Variants in ACOXL observed in about 807,000 individuals in gnomAD.
The protein encoded by ACOXL is acyl-CoA oxidase like.
Under a neutral mutation model 71.9 loss-of-function variants are expected in ACOXL, and 70 were observed. That is an observed-to-expected ratio of 0.97 (90% CI 0.80 to 1.19). The LOEUF (loss-of-function observed/expected upper bound fraction) is 1.19, where lower values mean the gene tolerates loss of function less well. ACOXL is among the 50% of genes most tolerant of loss of function. The pLI is 0.00. For synonymous variants in ACOXL, 253 were observed against 281.6 expected (o/e 0.90, Z 1.02); for missense variants, 703 against 736.3 (o/e 0.95, Z 0.52).
At chr2:110,979,732 G>A (rs927101839) in intron 12 of ACOXL, among the ~76,000 whole-genome samples, 4 of 152,150 alleles carry the variant, frequency 2.6e-5, no homozygotes, top group Non-Finnish European at 5.9e-5. Flanking sequence ...TTCAAGGCCG[G>A]GCAGGTACCT....
chr2:111,089,657 A>C (rs893961631), intron 16 of ACOXL, among the ~76,000 whole-genome samples: 8 of 152,324 alleles, frequency 5.3e-5, no homozygotes, highest in African/African-American at 1.7e-4. Context: ...TTAGTTGAAA[A>C]TAGTTTATGG....
At chr2:110,759,312 C>T (rs1045147022) in intron 1 of ACOXL, among the ~76,000 whole-genome samples, 1 of 152,012 alleles carries the variant, frequency 6.6e-6, no homozygotes, top group Non-Finnish European at 1.5e-5. Context: ...TGAGAGTCTA[C>T]GTCTCTTTGT....
At chr2:110,772,024 T>G (rs1423839658) in intron 2 of ACOXL, among the ~76,000 whole-genome samples, 2 of 152,230 alleles carry the variant, frequency 1.3e-5, no homozygotes, top group African/African-American at 4.8e-5. Context: ...TCAAGTTGAC[T>G]GAGTACATGT....
At chr2:110,805,140 G>A in intron 8 of ACOXL, 123 bp from the exon 9 acceptor site, 1 of 1,311,634 alleles carries the variant, frequency 7.6e-7, no homozygotes, top group Non-Finnish European at 1.1e-6. Context: ...TGTCTCAAGG[G>A]GGAAGTTCCA....
At position 111,118,024 on chromosome 2, in the gene ACOXL, G is replaced by A. The variant is rs1174165087; in HGVS notation, c.*208G>A. ...GATCCAGACGGTCGCCTGGTGCGCTGGATCCCTGTGCCCTTTCCCTGAAAC... is the reference window on the plus strand; with the variant it reads ...GATCCAGACGGTCGCCTGGTGCGCTAGATCCCTGTGCCCTTTCCCTGAAAC... On this transcript the variant is annotated 3_prime_UTR_variant, in exon 18 of 18. Transcript: ENST00000439055. The A allele has an allele frequency of 3.2e-6, 2 of 629,010 alleles. No homozygotes were observed. Among genetic ancestry groups the A allele is most frequent in the Non-Finnish European group, 5.5e-6 (2 of 365,044 alleles). The allele number at this position is 629,010 out of a possible 1,614,324, so 39.0% of individuals were successfully genotyped here.
chr2:110,897,492 A>T (rs2059059926), intron 10 of ACOXL, among the ~76,000 whole-genome samples: 1 of 151,910 alleles, frequency 6.6e-6, no homozygotes, highest in African/African-American at 2.4e-5. Context: ...GGCAGAAGGC[A>T]GAAGAGCAAG....
intron 16 of ACOXL, among the ~76,000 whole-genome samples, chr2:111,070,013 C>T (rs894099769): frequency 2.3e-4 from 35 of 152,012 alleles, no homozygotes; most frequent in Non-Finnish European, 4.4e-5. Context: ...GAAGCATGTC[C>T]GTCGGCCTGC....
intron 12 of ACOXL, chr2:110,968,111 CA>C (rs2062011695): frequency 4.5e-6 from 6 of 1,335,170 alleles, no homozygotes; most frequent in Non-Finnish European, 6.4e-6. Flanking sequence ...GTTGGCCTGA[CA>C]AATTATGCTG....
chr2:110,922,800 G>A (rs1466057500), intron 11 of ACOXL, among the ~76,000 whole-genome samples: 1 of 152,156 alleles, frequency 6.6e-6, no homozygotes, highest in Non-Finnish European at 1.5e-5. Flanking sequence ...TAGAAATTCA[G>A]TAATTGATAA....
intron 9 of ACOXL, among the ~76,000 whole-genome samples, chr2:110,823,417 A>G (rs1317041851): frequency 6.6e-6 from 1 of 152,232 alleles, no homozygotes; most frequent in Non-Finnish European, 1.5e-5. Flanking sequence ...TAAAGCTGCT[A>G]TACACATTTG....
intron 17 of ACOXL, among the ~76,000 whole-genome samples, chr2:111,098,040 A>G (rs1332553113): frequency 6.6e-6 from 1 of 152,254 alleles, no homozygotes; most frequent in Non-Finnish European, 1.5e-5. Context: ...ATTAAGGTAC[A>G]TATCAAATGA....
In ACOXL at chr2:110,784,827, C is replaced by A. The variant is rs200208829; in HGVS notation, c.159+12C>A. 1 of 1,591,088 alleles carries A rather than the reference C, an allele frequency of 6.3e-7. No individual in the cohort carries two copies. Among genetic ancestry groups the A allele is most frequent in the Non-Finnish European group, 8.5e-7 (1 of 1,172,420 alleles). The stretch of plus-strand genomic sequence containing the variant: ...CCACAGGAGTGAAGGTGAGAGGCGC[C>A]GGGCACCTGCCCTTCATGAATGCAT... On this transcript the variant is annotated intron_variant, in intron 3 of 17. Coordinates refer to ENST00000439055, the MANE Select transcript of ACOXL (RefSeq NM_001142807.4).
At chr2:111,073,051 A>G (rs960951063) in intron 16 of ACOXL, among the ~76,000 whole-genome samples, 1 of 152,190 alleles carries the variant, frequency 6.6e-6, no homozygotes, top group Non-Finnish European at 1.5e-5. Flanking sequence ...TGCCATATGT[A>G]TCCCCTTTAG....
At chr2:110,783,252 A>C (rs760059855) in intron 2 of ACOXL, among the ~76,000 whole-genome samples, 3 of 152,172 alleles carry the variant, frequency 2.0e-5, no homozygotes, top group Non-Finnish European at 4.4e-5. Flanking sequence ...AAGGACACTT[A>C]GGCCCTCTAA....
chr2:110,811,087 A>G (rs1257877038), intron 9 of ACOXL, among the ~76,000 whole-genome samples: 1 of 152,182 alleles, frequency 6.6e-6, no homozygotes, highest in Non-Finnish European at 1.5e-5. Flanking sequence ...AGATTATGGG[A>G]ACTATGATTC....
At chr2:110,912,964 C>T (rs1159550188) in intron 11 of ACOXL, among the ~76,000 whole-genome samples, 1 of 152,040 alleles carries the variant, frequency 6.6e-6, no homozygotes, top group Non-Finnish European at 1.5e-5. Flanking sequence ...AAAGACTTTC[C>T]TCCAAAGAAG....
intron 12 of ACOXL, among the ~76,000 whole-genome samples, chr2:110,938,115 A>C (rs1320558507): frequency 6.6e-6 from 1 of 152,144 alleles, no homozygotes; most frequent in East Asian, 1.9e-4. Context: ...CGAACTGTGG[A>C]GGGTCCGCAA....
chr2:110,799,957 G>T (rs1685763035), intron 7 of ACOXL, among the ~76,000 whole-genome samples: 1 of 152,126 alleles, frequency 6.6e-6, no homozygotes, highest in South Asian at 2.1e-4. Flanking sequence ...CCTCTAAAAT[G>T]CACCAATCAG....
intron 10 of ACOXL, among the ~76,000 whole-genome samples, chr2:110,863,594 C>T (rs185329091): frequency 1.3e-5 from 2 of 151,294 alleles, no homozygotes; most frequent in African/African-American, 4.9e-5. Flanking sequence ...TCCCTGAGCA[C>T]CCCCCCCAAC....
Sources: gnomAD v4.1 joint callset for allele counts (sites outside exome capture counted in the v4.1 genomes callset) on GRCh38, gnomAD v4.1.1 for gene constraint, MANE v1.5 for transcripts, NCBI Gene and HGNC (gene_info 2026-07-23, HGNC 2026-07-21) for gene names.